PDE4D: variants seen among roughly 807,000 people sequenced by gnomAD.
The protein encoded by PDE4D is 3',5'-cyclic-AMP phosphodiesterase 4D.
PDE4D carries 24 observed loss-of-function variants against 87.4 expected under a neutral mutation model. The observed-to-expected ratio is 0.27, with a 90% CI of 0.20 to 0.39. PDE4D has a LOEUF of 0.39. PDE4D is among the 10% of genes least tolerant of loss of function. The pLI is 1.00. For synonymous variants in PDE4D, 384 were observed against 383.2 expected (o/e 1.00, Z -0.02); for missense variants, 714 against 1,041.0 (o/e 0.69, Z 4.32).
intron 1 of PDE4D, among the ~76,000 whole-genome samples, chr5:59,228,951 T>G (rs1045808168): frequency 1.3e-5 from 2 of 152,136 alleles, no homozygotes; most frequent in Admixed American, 1.3e-4. Flanking sequence ...TCATGAGATA[T>G]TCCCATACTG....
intron 1 of PDE4D, among the ~76,000 whole-genome samples, chr5:59,588,366 T>C (rs1825486228): frequency 6.6e-6 from 1 of 152,290 alleles, no homozygotes; most frequent in East Asian, 1.9e-4. Context: ...GGCACTTAAA[T>C]GGTATTTGTT....
chr5:59,754,284 C>T (rs1025713173), intron 1 of PDE4D, among the ~76,000 whole-genome samples: 5 of 152,212 alleles, frequency 3.3e-5, no homozygotes, highest in African/African-American at 4.8e-5. Flanking sequence ...GAGCTGAGAT[C>T]GTGCCACTGC....
At chr5:60,219,430 T>G (rs1010532266) in intron 1 of PDE4D, among the ~76,000 whole-genome samples, 1 of 152,202 alleles carries the variant, frequency 6.6e-6, no homozygotes, top group African/African-American at 2.4e-5. Flanking sequence ...TTAGGAATAA[T>G]GTAGTTCATT....
Position 60,352,284 on chromosome 5 carries a change from AC to A in PDE4D, c.-90+135657del, listed in dbSNP as rs1759270766. On this transcript the variant is annotated intron_variant, in intron 1 of 16. Transcript: ENST00000502484. ...ATTCAGCTTAGCATGGCTCACAGTT[AC>A]TGGACAGTTTGCATTTCTCTCTTCT... is the stretch of plus-strand genomic sequence containing the variant. 7.9e-5 allele frequency among the ~76,000 whole-genome samples: 12 copies of A among 152,274 alleles called. No individual in the cohort carries two copies. In the South Asian group the frequency reaches 2.5e-3, roughly 32 times the overall value.
chr5:59,600,649 G>A (rs779971574), intron 1 of PDE4D, among the ~76,000 whole-genome samples: 1 of 152,140 alleles, frequency 6.6e-6, no homozygotes, highest in Non-Finnish European at 1.5e-5. Flanking sequence ...AGGTAATCCA[G>A]TTAGACAGCA....
intron 1 of PDE4D, among the ~76,000 whole-genome samples, chr5:60,417,500 G>A (rs1036034475): frequency 6.6e-6 from 1 of 152,144 alleles, no homozygotes; most frequent in African/African-American, 2.4e-5. Flanking sequence ...TTTCTCAGAG[G>A]AAAAATCAAC....
chr5:60,465,731 T>A (rs1747300447), intron 1 of PDE4D, among the ~76,000 whole-genome samples: 1 of 152,102 alleles, frequency 6.6e-6, no homozygotes, highest in African/African-American at 2.4e-5. Context: ...TTAATATACC[T>A]ATCCTACCAA....
At chr5:59,514,591 C>A (rs1291017872) in intron 1 of PDE4D, among the ~76,000 whole-genome samples, 5 of 152,162 alleles carry the variant, frequency 3.3e-5, no homozygotes, top group Admixed American at 3.3e-4. Flanking sequence ...TAGGACTGAA[C>A]TACTGAATTA....
intron 5 of PDE4D, among the ~76,000 whole-genome samples, chr5:59,090,503 T>C (rs183034966): frequency 6.6e-6 from 1 of 152,292 alleles, no homozygotes; most frequent in East Asian, 1.9e-4. Context: ...AGACAATGGC[T>C]GTAAAGCTCT....
intron 1 of PDE4D, among the ~76,000 whole-genome samples, chr5:60,423,612 C>G (rs9765510): frequency 0.14 from 21,485 of 151,944 alleles, 1,601 homozygotes; most frequent in African/African-American, 0.17. Context: ...AAAATCGACA[C>G]CTTAACATCA....
chr5:59,509,725 C>T (rs979568507), intron 1 of PDE4D, among the ~76,000 whole-genome samples: 8 of 150,398 alleles, frequency 5.3e-5, no homozygotes, highest in Admixed American at 4.6e-4. Context: ...GGGAGGAAAT[C>T]ACTTTGATCT....
intron 2 of PDE4D, among the ~76,000 whole-genome samples, chr5:60,038,444 G>T (rs1768067908): frequency 6.6e-6 from 1 of 152,016 alleles, no homozygotes; most frequent in South Asian, 2.1e-4. Flanking sequence ...TAGATATGCG[G>T]CGTTATTTCT....
At chr5:58,987,228 T>A (rs1746664261) in intron 11 of PDE4D, among the ~76,000 whole-genome samples, 1 of 152,214 alleles carries the variant, frequency 6.6e-6, no homozygotes, top group Admixed American at 6.5e-5. Context: ...TTAATATTTG[T>A]ATGTATGCTT....
At chr5:60,463,831 G>A (rs952851262) in intron 1 of PDE4D, among the ~76,000 whole-genome samples, 7 of 152,128 alleles carry the variant, frequency 4.6e-5, no homozygotes, top group African/African-American at 7.2e-5. Flanking sequence ...ATTCAAACAC[G>A]TCCTGAAATG....
chr5:60,306,555 G>T (rs775141508), intron 1 of PDE4D, among the ~76,000 whole-genome samples: 1 of 151,996 alleles, frequency 6.6e-6, no homozygotes, highest in Non-Finnish European at 1.5e-5. Flanking sequence ...CTGGAAAAAT[G>T]AGTTAATAAA....
intron 3 of PDE4D, among the ~76,000 whole-genome samples, chr5:59,900,246 A>AT (rs142042877): frequency 6.1e-4 from 64 of 104,868 alleles, no homozygotes; most frequent in African/African-American, 2.0e-3. Context: ...TATCAAAAAA[A>AT]AATATATATA....
chr5:59,985,138 G>GTTTTT lies in PDE4D; in HGVS notation c.272+3345_272+3349dup, dbSNP rs1389439526. Among the ~76,000 whole-genome samples, 10 of 113,194 alleles carry GTTTTT rather than the reference G, an allele frequency of 8.8e-5. 3 individuals carry two copies. Among genetic ancestry groups the GTTTTT allele is most frequent in the Non-Finnish European group, 1.3e-4 (7 of 55,152 alleles). The allele number at this position is 113,194 out of a possible 152,430, so 74.3% of individuals were successfully genotyped here. A position where few individuals can be genotyped will look rare whatever the true frequency, so the allele number is the denominator to read the frequency against. ...CTTCACCTTTCGTTTTTTGTTTTTT[G>GTTTTT]TTTTTTGTTTTTTATTTTGAGACAG... On this transcript the variant is annotated intron_variant, in intron 3 of 16. Coordinates refer to the PDE4D transcript ENST00000502484.
chr5:60,489,704 G>A (rs1749420162), upstream of PDE4D: 2 of 152,144 alleles, frequency 1.3e-5, no homozygotes. Flanking sequence ...AACTTCTAAG[G>A]AAGCCAGGTT....
chr5:58,998,595 A>G (rs1334771265), intron 6 of PDE4D, among the ~76,000 whole-genome samples: 3 of 152,204 alleles, frequency 2.0e-5, no homozygotes, highest in Admixed American at 6.5e-5. Context: ...TAATTTTTTT[A>G]GAATTCAAGT....
Sources: allele counts gnomAD v4.1 joint callset (sites outside exome capture counted in the v4.1 genomes callset), GRCh38; gene constraint gnomAD v4.1.1; transcripts MANE v1.5; gene names NCBI Gene and HGNC (gene_info 2026-07-23, HGNC 2026-07-21).